Variants in GFI1B observed in about 807,000 individuals in gnomAD.
GFI1B encodes the protein zinc finger protein Gfi-1b.
Under a neutral mutation model 35.3 loss-of-function variants are expected in GFI1B, and 20 were observed. That is an observed-to-expected ratio of 0.57 (90% CI 0.40 to 0.82). GFI1B has a LOEUF of 0.82. GFI1B is among the 40% of genes least tolerant of loss of function. The pLI, the probability that GFI1B is intolerant of heterozygous loss-of-function variation, is 0.00. For synonymous variants in GFI1B, 178 were observed against 177.6 expected (o/e 1.00, Z -0.02); for missense variants, 430 against 446.3 (o/e 0.96, Z 0.33).
chr9:132,974,558 T>C (rs553621649), upstream of GFI1B, among the ~76,000 whole-genome samples: 14 of 127,996 alleles, frequency 1.1e-4, no homozygotes, highest in Non-Finnish European at 2.2e-4. Context: ...GCCGAGATTG[T>C]GCCACTGCCC....
At chr9:132,985,852 C>A (rs896889817) in intron 1 of GFI1B, among the ~76,000 whole-genome samples, 8 of 152,194 alleles carry the variant, frequency 5.3e-5, no homozygotes, top group Non-Finnish European at 1.0e-4. Context: ...CTCAGACCAC[C>A]CGTTTCTATG....
At chr9:132,963,362 C>T (rs1377407466) in intron 1 of GFI1B, among the ~76,000 whole-genome samples, 1 of 152,030 alleles carries the variant, frequency 6.6e-6, no homozygotes, top group South Asian at 2.1e-4. Context: ...CACTTGTAGT[C>T]CCAGCTACCC....
intron 1 of GFI1B, chr9:132,962,446 ATTCT>A: frequency 2.5e-6 from 1 of 397,438 alleles, no homozygotes; most frequent in East Asian, 7.4e-5. Flanking sequence ...CCCATAAAAG[ATTCT>A]TTCTTCTCTC....
chr9:132,965,191 G>T (rs1158469878), intron 1 of GFI1B, among the ~76,000 whole-genome samples: 2 of 152,168 alleles, frequency 1.3e-5, no homozygotes, highest in Non-Finnish European at 2.9e-5. Flanking sequence ...CTTAGAGGCA[G>T]GTGCCCAGTA....
At chr9:132,959,259 G>A (rs1398595969) in intron 1 of GFI1B, among the ~76,000 whole-genome samples, 3 of 152,146 alleles carry the variant, frequency 2.0e-5, no homozygotes, top group African/African-American at 4.8e-5. Flanking sequence ...GAGTTCTCAC[G>A]AGACCTGATG....
upstream of GFI1B, among the ~76,000 whole-genome samples, chr9:132,974,802 A>G (rs200331804): frequency 1.6e-4 from 15 of 96,384 alleles, no homozygotes; most frequent in Admixed American, 9.8e-4. Flanking sequence ...AGGCTTGGGG[A>G]AATCAGAGAG....
chr9:132,990,730 T>C, intron 6 of GFI1B, 142 bp from the exon 7 acceptor site: 2 of 722,094 alleles, frequency 2.8e-6, no homozygotes, highest in Non-Finnish European at 4.8e-6. Context: ...TCTAATTATT[T>C]TCTAAAGTGA....
At chr9:132,952,559 G>GGAATTT (rs1848216864) in intron 1 of GFI1B, 10 of 152,118 alleles carry the variant, frequency 6.6e-5, no homozygotes, top group Admixed American at 6.6e-4. Flanking sequence ...TCCCGCCTTG[G>GGAATTT]CCTCCCAAAG....
At chr9:132,986,596 T>G (rs1849070474) in intron 1 of GFI1B, 63 bp from the exon 2 acceptor site, 226 of 816,918 alleles carry the variant, frequency 2.8e-4, no homozygotes, top group Middle Eastern at 1.1e-3. Context: ...GAGGAGGTTC[T>G]GAGATATGGA....
chr9:132,953,861 G>C (rs955057534), intron 1 of GFI1B: 1 of 151,978 alleles, frequency 6.6e-6, no homozygotes, highest in Non-Finnish European at 1.5e-5. Flanking sequence ...GCTTGAACCC[G>C]GGAGGTGGAG....
At chr9:132,973,905 C>G (rs1350630272), upstream of GFI1B, among the ~76,000 whole-genome samples, 13 of 152,206 alleles carry the variant, frequency 8.5e-5, no homozygotes, top group Admixed American at 8.5e-4. Context: ...AATGAGAGGC[C>G]CATATCCCTC....
At chr9:132,961,953 T>A (rs1207123376) in intron 1 of GFI1B, among the ~76,000 whole-genome samples, 1 of 151,828 alleles carries the variant, frequency 6.6e-6, no homozygotes, top group Non-Finnish European at 1.5e-5. Flanking sequence ...TCTACACTTC[T>A]GGGAGTGGGA....
intron 1 of GFI1B, among the ~76,000 whole-genome samples, chr9:132,972,573 G>A (rs537436675): frequency 2.6e-5 from 4 of 152,208 alleles, no homozygotes; most frequent in Admixed American, 6.5e-5. Flanking sequence ...CTGGGCGACA[G>A]AGTGAGACTC....
intron 1 of GFI1B, among the ~76,000 whole-genome samples, chr9:132,957,768 A>G (rs1031381052): frequency 6.6e-6 from 1 of 152,196 alleles, no homozygotes; most frequent in Non-Finnish European, 1.5e-5. Context: ...AACACGTGTA[A>G]TAATAACAAG....
intron 1 of GFI1B, among the ~76,000 whole-genome samples, chr9:132,947,809 C>CAA (rs58406908): frequency 3.5e-4 from 30 of 86,040 alleles, no homozygotes; most frequent in African/African-American, 6.5e-4. Flanking sequence ...ACTTGGTCTC[C>CAA]AAAAAAAAAA....
intron 1 of GFI1B, among the ~76,000 whole-genome samples, chr9:132,947,897 G>T (rs529929767): frequency 6.1e-5 from 9 of 147,602 alleles, no homozygotes; most frequent in African/African-American, 2.3e-4. Flanking sequence ...TTGCAGCTCG[G>T]CGTTTGCCGT....
rs762113108 is a variant in GFI1B, at chr9:132,990,901, G to C, written c.844G>C (p.Gly282Arg). Residue 282 changes from glycine to arginine, a missense_variant, in exon 7 of 7, where the codon GGA (glycine) becomes CGA (arginine). Gly to Arg is a moderately radical substitution (Grantham distance 125). Transcript: ENST00000372122. Reference sequence around the variant, plus strand: ...GAAGCCGCACAAGTGCCAGGTGTGCGGAAAGGCCTTCAGCCAGAGCTCCAA... The same window carrying C: ...GAAGCCGCACAAGTGCCAGGTGTGCCGAAAGGCCTTCAGCCAGAGCTCCAA... ...GEKPHKCQVC[G>R]KAFSQSSNLI... The C allele has an allele frequency of 6.2e-7, 1 of 1,614,096 alleles. No individual in the cohort carries two copies. The highest frequency in any genetic ancestry group is 1.3e-5 in the African/African-American group (1 of 74,952).
chr9:132,973,840 C>T (rs1030682428), upstream of GFI1B, among the ~76,000 whole-genome samples: 1 of 152,168 alleles, frequency 6.6e-6, no homozygotes, highest in Non-Finnish European at 1.5e-5. Flanking sequence ...CCCACCTCTT[C>T]CTCTACACTT....
At chr9:132,956,586 T>A (rs1216374667) in intron 1 of GFI1B, among the ~76,000 whole-genome samples, 1 of 152,248 alleles carries the variant, frequency 6.6e-6, no homozygotes, top group Admixed American at 6.5e-5. Flanking sequence ...CCCTTTAAAA[T>A]GTACCACCTG....
Sources: allele counts gnomAD v4.1 joint callset (sites outside exome capture counted in the v4.1 genomes callset), GRCh38; gene constraint gnomAD v4.1.1; transcripts MANE v1.5; gene names NCBI Gene and HGNC (gene_info 2026-07-23, HGNC 2026-07-21).